MACROD2: variants seen among roughly 807,000 people sequenced by gnomAD.
MACROD2 encodes the protein mono-ADP ribosylhydrolase 2.
In MACROD2, 36 loss-of-function variants were observed where a neutral mutation model predicts 70.4. The observed-to-expected ratio is 0.51, with a 90% CI of 0.39 to 0.68. The LOEUF (loss-of-function observed/expected upper bound fraction) is 0.68. Ranked by LOEUF, MACROD2 falls within the 30% of genes least tolerant of loss-of-function variation. The probability of loss-of-function intolerance (pLI) is 0.00; values close to 1 mark genes in which losing one functional copy is unlikely to be tolerated. For synonymous variants in MACROD2, 172 were observed against 178.8 expected (o/e 0.96, Z 0.30); for missense variants, 496 against 538.4 (o/e 0.92, Z 0.78).
chr20:14,249,128 G>GTCTTT (rs1555773444), intron 3 of MACROD2, among the ~76,000 whole-genome samples: 4 of 103,074 alleles, frequency 3.9e-5, no homozygotes, highest in Non-Finnish European at 5.6e-5. Context: ...GATTTCAAAG[G>GTCTTT]TTTTTTTTTT....
At chr20:14,759,992 A>T (rs1363633506) in intron 5 of MACROD2, among the ~76,000 whole-genome samples, 1 of 152,114 alleles carries the variant, frequency 6.6e-6, no homozygotes, top group Admixed American at 6.5e-5. Flanking sequence ...AGATAAACAG[A>T]TGGGAGCTGG....
At chr20:14,356,603 C>G (rs204624) in intron 3 of MACROD2, among the ~76,000 whole-genome samples, 1,930 of 147,078 alleles carry the variant, frequency 0.013, 42 homozygotes, top group African/African-American at 0.046. Context: ...CTCCTGGGTT[C>G]AAGCAGTTCT....
In MACROD2 at chr20:16,044,648, C is replaced by T; in HGVS notation, c.1300+9C>T. The T allele has an allele frequency of 2.5e-6, 4 of 1,607,358 alleles. No individual in the cohort carries two copies. Among genetic ancestry groups the T allele is most frequent in the Non-Finnish European group, 3.4e-6 (4 of 1,174,562 alleles). ...AGAAGATCAACTAATAGGTAAGATGCCCCTTGTGGTGAGATTTTCAATGAT... is the reference window on the plus strand; with the variant it reads ...AGAAGATCAACTAATAGGTAAGATGTCCCTTGTGGTGAGATTTTCAATGAT... On this transcript the variant is annotated intron_variant, in intron 17 of 17. Transcript: ENST00000684519.
At chr20:15,649,256 A>G (rs2049607905) in intron 8 of MACROD2, among the ~76,000 whole-genome samples, 1 of 122,654 alleles carries the variant, frequency 8.2e-6, no homozygotes, top group Non-Finnish European at 1.7e-5. Flanking sequence ...CTTCTTTTTC[A>G]GTGTTCAAAC....
chr20:15,089,661 G>A lies in MACROD2; in HGVS notation c.419-140279G>A, dbSNP rs568786390. Among the ~76,000 whole-genome samples the A allele has an allele frequency of 2.0e-3, 302 of 152,112 alleles. 2 individuals carry two copies. The highest frequency in any genetic ancestry group is 3.3e-3 in the Non-Finnish European group (226 of 67,962). On this transcript the variant is annotated intron_variant, in intron 5 of 17. Transcript: ENST00000684519. ...GGGAACTTGGTGTCAACTCCTTTAC[G>A]CTCTGTACCTCCCTTTGCCCTTGAG...
Position 15,925,115 on chromosome 20 carries a change from C to A in MACROD2, c.776-8161C>A, listed in dbSNP as rs565290113. Among the ~76,000 whole-genome samples, 5 of 152,304 alleles carry A rather than the reference C, an allele frequency of 3.3e-5. No homozygotes were observed. The South Asian group carries it at 1.0e-3, about 32-fold the overall frequency. ...ACCAGGTTATGTGCATATCTGAGAA[C>A]TGGCATAATTTATCATCAATTTGCG... On this transcript the variant is annotated intron_variant, in intron 10 of 17. Transcript: ENST00000684519.
At chr20:14,662,531 T>C (rs1021416300) in intron 4 of MACROD2, among the ~76,000 whole-genome samples, 1 of 152,168 alleles carries the variant, frequency 6.6e-6, no homozygotes, top group Non-Finnish European at 1.5e-5. Flanking sequence ...CAAAGGAAAC[T>C]GTCAACAGAA....
At chr20:16,038,046 T>TC (rs2147602885) in intron 15 of MACROD2, among the ~76,000 whole-genome samples, 1 of 115,482 alleles carries the variant, frequency 8.7e-6, no homozygotes, top group South Asian at 2.6e-4. Flanking sequence ...TTTGAAAATC[T>TC]TTTTTTTTTT....
intron 9 of MACROD2, 106 bp from the exon 10 acceptor site, chr20:15,885,658 G>T (rs2064812254): frequency 5.7e-6 from 6 of 1,055,980 alleles, no homozygotes; most frequent in African/African-American, 3.3e-5. Flanking sequence ...GTTTTCTACT[G>T]ATCTGTTATC....
At chr20:15,849,823 G>C (rs1021674455) in intron 8 of MACROD2, among the ~76,000 whole-genome samples, 4 of 152,148 alleles carry the variant, frequency 2.6e-5, no homozygotes, top group African/African-American at 9.7e-5. Flanking sequence ...GGGGTGACAT[G>C]AGCGCTGCAT....
intron 5 of MACROD2, among the ~76,000 whole-genome samples, chr20:15,085,552 A>G (rs1036991045): frequency 3.3e-5 from 5 of 152,114 alleles, no homozygotes; most frequent in Non-Finnish European, 7.4e-5. Context: ...TAATAGAAAG[A>G]CAAAGAGCTC....
intron 5 of MACROD2, among the ~76,000 whole-genome samples, chr20:14,912,125 C>G (rs1378858633): frequency 6.6e-6 from 1 of 152,126 alleles, no homozygotes; most frequent in East Asian, 1.9e-4. Flanking sequence ...TACCCATCCT[C>G]AACTCTAGGG....
Position 14,237,128 on chromosome 20 carries a change from T to A in MACROD2, c.271+151400T>A, listed in dbSNP as rs368777069. Among the ~76,000 whole-genome samples, 9 of 152,304 alleles carry A rather than the reference T, an allele frequency of 5.9e-5. No individual in the cohort carries two copies. In the South Asian group the frequency reaches 1.0e-3, roughly 18 times the overall value. On this transcript the variant is annotated intron_variant, in intron 3 of 17. Coordinates refer to ENST00000684519, the MANE Select transcript of MACROD2 (RefSeq NM_001351661.2). ...ATCTAGTAGCATTTGTTGTTGCTGATGAGAAGTGTTAGTATAATTGCTACC... is the reference window on the plus strand; with the variant it reads ...ATCTAGTAGCATTTGTTGTTGCTGAAGAGAAGTGTTAGTATAATTGCTACC...
chr20:14,413,728 A>G (rs1461774322), intron 3 of MACROD2, among the ~76,000 whole-genome samples: 1 of 152,212 alleles, frequency 6.6e-6, no homozygotes, highest in African/African-American at 2.4e-5. Flanking sequence ...TACACAAAAC[A>G]GGATCTTTAG....
intron 8 of MACROD2, among the ~76,000 whole-genome samples, chr20:15,732,455 G>A (rs758631086): frequency 7.9e-5 from 12 of 152,178 alleles, no homozygotes; most frequent in Non-Finnish European, 1.8e-4. Context: ...AAGGTCCGAT[G>A]TTCCCTTCTA....
intron 2 of MACROD2, among the ~76,000 whole-genome samples, chr20:14,058,167 G>T (rs942547017): frequency 6.6e-6 from 1 of 152,056 alleles, no homozygotes; most frequent in Non-Finnish European, 1.5e-5. Context: ...AATTCAGTGA[G>T]TTGTAAAATT....
intron 9 of MACROD2, among the ~76,000 whole-genome samples, chr20:15,867,216 C>T (rs181583003): frequency 2.1e-4 from 32 of 152,258 alleles, no homozygotes; most frequent in Admixed American, 1.4e-3. Flanking sequence ...ATTTAATTAG[C>T]TCTTAAAGAT....
chr20:15,323,623 C>T (rs2077895704), intron 6 of MACROD2, among the ~76,000 whole-genome samples: 1 of 152,132 alleles, frequency 6.6e-6, no homozygotes, highest in African/African-American at 2.4e-5. Flanking sequence ...TGTTAGTTGT[C>T]CCCCTTAGCT....
chr20:14,603,262 C>T (rs977846557), intron 4 of MACROD2, among the ~76,000 whole-genome samples: 1 of 152,106 alleles, frequency 6.6e-6, no homozygotes, highest in Non-Finnish European at 1.5e-5. Flanking sequence ...TGGGGAGGAA[C>T]TGTGTGCAGT....
Sources: allele counts gnomAD v4.1 joint callset (sites outside exome capture counted in the v4.1 genomes callset), GRCh38; gene constraint gnomAD v4.1.1; transcripts MANE v1.5; gene names NCBI Gene and HGNC (gene_info 2026-07-23, HGNC 2026-07-21).